TAL1: variants seen among roughly 807,000 people sequenced by gnomAD.
The protein encoded by TAL1 is TAL bHLH transcription factor 1, erythroid differentiation factor.
A neutral mutation model predicts 17.9 loss-of-function variants in TAL1; 8 were observed. The observed-to-expected ratio is 0.45, with a 90% CI of 0.26 to 0.81. The LOEUF (loss-of-function observed/expected upper bound fraction) is 0.81, where lower values mean the gene tolerates loss of function less well. Among genes scored for constraint, TAL1 ranks in the 30% least tolerant of loss-of-function variants. The pLI is 0.17. For missense variants in TAL1, 466 were observed against 486.9 expected (o/e 0.96, Z 0.40); for synonymous variants, 223 against 218.6 (o/e 1.02, Z -0.18).
chr1:47,224,783 C>T (rs1474998739), intron 2 of TAL1, among the ~76,000 whole-genome samples: 1 of 152,224 alleles, frequency 6.6e-6, no homozygotes, highest in Non-Finnish European at 1.5e-5. Context: ...TCTATTCCAA[C>T]CCTATGGCTT....
chr1:47,220,203 G>A, intron 3 of TAL1, 29 bp from the exon 5 acceptor site: 1 of 1,490,356 alleles, frequency 6.7e-7, no homozygotes, highest in Non-Finnish European at 9.0e-7. Context: ...AGAGTTAGGA[G>A]AATGGGCTTG....
chr1:47,228,878 T>A (rs1231511490), intron 1 of TAL1: 1 of 158,298 alleles, frequency 6.3e-6, no homozygotes, highest in African/African-American at 2.4e-5. Flanking sequence ...AGGCACAGTC[T>A]GTACCACCCG....
At chr1:47,225,772 C>T in exon 2 of TAL1, 1 of 1,555,326 alleles carries the variant, frequency 6.4e-7, no homozygotes. Flanking sequence ...GGCTCGTCTC[C>T]TTGGCGACGC....
chr1:47,226,944 C>T (rs1483374880), intron 1 of TAL1, among the ~76,000 whole-genome samples: 5 of 152,220 alleles, frequency 3.3e-5, no homozygotes, highest in African/African-American at 1.2e-4. Flanking sequence ...TTTGAAAGTG[C>T]TGTGCAAACG....
chr1:47,218,895 T>C (rs41313353), exon 4 of TAL1: 3,395 of 246,012 alleles, frequency 0.014, 42 homozygotes, highest in Non-Finnish European at 0.019. Flanking sequence ...TGTCGAGGAG[T>C]TGAAGCCCAC....
At chr1:47,225,580 G>T in exon 2 of TAL1, 2 of 1,284,356 alleles carry the variant, frequency 1.6e-6, no homozygotes, top group Non-Finnish European at 2.0e-6. Context: ...AGGCGGGCGC[G>T]GGGGCCGGGG....
At chr1:47,219,927 C>A in exon 4 of TAL1, 1 of 1,517,138 alleles carries the variant, frequency 6.6e-7, no homozygotes, top group Non-Finnish European at 8.8e-7. Flanking sequence ...CCCCACCAGC[C>A]CCCACCACAG....
chr1:47,221,987 C>G (rs1470211495), intron 3 of TAL1, among the ~76,000 whole-genome samples: 2 of 152,204 alleles, frequency 1.3e-5, no homozygotes, highest in Non-Finnish European at 2.9e-5. Context: ...GCCCAGCTGA[C>G]TGTTTGCCAA....
intron 2 of TAL1, 41 bp from the exon 4 acceptor site, chr1:47,224,139 G>T (rs765067368): frequency 1.3e-6 from 2 of 1,596,854 alleles, no homozygotes; most frequent in Non-Finnish European, 1.7e-6. Context: ...CCCATGTTGA[G>T]GGGAGGGGAG....
At chr1:47,225,724 G>T (rs762614261) in exon 2 of TAL1, 1 of 1,498,456 alleles carries the variant, frequency 6.7e-7, no homozygotes, top group East Asian at 2.8e-5. Context: ...CTCCGCGCGC[G>T]CCCAGTTCGA....
At chr1:47,225,994 G>A (rs1643905230) in intron 1 of TAL1, 105 bp from the exon 3 acceptor site, 3 of 1,042,342 alleles carry the variant, frequency 2.9e-6, no homozygotes, top group East Asian at 6.4e-5. Context: ...AGGAACTCAC[G>A]CACCGAGACG....
intron 3 of TAL1, among the ~76,000 whole-genome samples, chr1:47,221,239 AG>A (rs1360489816): frequency 1.3e-5 from 2 of 152,198 alleles, no homozygotes; most frequent in Non-Finnish European, 2.9e-5. Flanking sequence ...TCGATGCAGA[AG>A]GGCTCTCATA....
chr1:47,225,272 G>T (rs954500189), intron 2 of TAL1, among the ~76,000 whole-genome samples, 171 bp downstream of exon 3: 1 of 152,196 alleles, frequency 6.6e-6, no homozygotes, highest in African/African-American at 2.4e-5. Context: ...TCACTCGGGG[G>T]CTCCAGCTTG....
chr1:47,219,192 T>C (rs1039094286), exon 4 of TAL1: 1 of 433,714 alleles, frequency 2.3e-6, no homozygotes. Flanking sequence ...CTTGTGACTC[T>C]GCAGCATCTG....
At chr1:47,216,633 G>GT (rs1231645842) in exon 4 of TAL1, 1 of 231,850 alleles carries the variant, frequency 4.3e-6, no homozygotes, top group Non-Finnish European at 8.5e-6. Context: ...GGCCGAAATA[G>GT]TTGTCGGCTG....
upstream of TAL1, chr1:47,231,332 C>A (rs1294335294): frequency 6.0e-6 from 1 of 165,664 alleles, no homozygotes; most frequent in African/African-American, 2.5e-5. Flanking sequence ...ACCAGCGCCT[C>A]GATCTCTCGC....
At chr1:47,225,959 G>T (rs1643904736) in intron 1 of TAL1, 70 bp from the exon 3 acceptor site, 6 of 1,481,210 alleles carry the variant, frequency 4.1e-6, no homozygotes, top group Non-Finnish European at 4.5e-6. Context: ...ACGTGGGCTG[G>T]GGTAAAGGGG....
At chr1:47,218,515 C>T (rs754034401) in exon 4 of TAL1, 1 of 232,986 alleles carries the variant, frequency 4.3e-6, no homozygotes, top group East Asian at 6.0e-5. Context: ...CCCTTGATGA[C>T]CAAAAGCTGC....
chr1:47,218,234 A>T (rs1645538730), exon 4 of TAL1: 1 of 233,508 alleles, frequency 4.3e-6, no homozygotes, highest in African/African-American at 2.2e-5. Flanking sequence ...TGACAGACAT[A>T]CAGGACTTCT....
Sources: gnomAD v4.1 joint callset for allele counts (sites outside exome capture counted in the v4.1 genomes callset) on GRCh38, gnomAD v4.1.1 for gene constraint, MANE v1.5 for transcripts, NCBI Gene and HGNC (gene_info 2026-07-23, HGNC 2026-07-21) for gene names.